Variants in HS3ST5 observed in about 807,000 individuals in gnomAD.
HS3ST5 encodes heparan sulfate-glucosamine 3-sulfotransferase 5.
In HS3ST5, 10 loss-of-function variants were observed where a neutral mutation model predicts 25.4. The observed-to-expected ratio is 0.39, with a 90% CI of 0.24 to 0.67. HS3ST5 has a LOEUF of 0.67. Among genes scored for constraint, HS3ST5 ranks in the 30% least tolerant of loss-of-function variants. The pLI, the probability that HS3ST5 is intolerant of heterozygous loss-of-function variation, is 0.44. For synonymous variants in HS3ST5, 170 were observed against 162.4 expected, an observed-to-expected ratio of 1.05 and a Z score of -0.36; for missense variants, 324 against 420.7, an observed-to-expected ratio of 0.77 and a Z score of 2.01.
At chr6:114,330,418 G>C (rs1023480229) in intron 1 of HS3ST5, among the ~76,000 whole-genome samples, 9 of 152,162 alleles carry the variant, frequency 5.9e-5, no homozygotes, top group African/African-American at 1.9e-4. Context: ...ATGATTCTGA[G>C]CTATTATCAT....
intron 3 of HS3ST5, among the ~76,000 whole-genome samples, chr6:114,152,427 A>G (rs1778501664): frequency 6.6e-6 from 1 of 152,270 alleles, no homozygotes; most frequent in East Asian, 1.9e-4. Flanking sequence ...TTTTCACTCC[A>G]GAAATTTAAG....
chr6:114,158,145 C>T (rs1475620519), intron 3 of HS3ST5, among the ~76,000 whole-genome samples: 3 of 152,214 alleles, frequency 2.0e-5, no homozygotes, highest in Non-Finnish European at 2.9e-5. Context: ...ACTTGCAAGC[C>T]TCGACAGCTT....
chr6:114,228,921 T>A (rs1349863120), intron 1 of HS3ST5, 143 bp from the exon 2 acceptor site: 1 of 152,240 alleles, frequency 6.6e-6, no homozygotes, highest in East Asian at 1.9e-4. Context: ...CATTTAAAAT[T>A]TCATGTCATT....
intron 3 of HS3ST5, among the ~76,000 whole-genome samples, chr6:114,109,336 G>A (rs1355372108): frequency 1.3e-5 from 2 of 151,944 alleles, no homozygotes; most frequent in African/African-American, 4.8e-5. Context: ...GCTGACCATT[G>A]AGGACTCTTC....
chr6:114,268,966 C>T (rs779554042), intron 1 of HS3ST5, among the ~76,000 whole-genome samples: 4 of 152,068 alleles, frequency 2.6e-5, no homozygotes, highest in South Asian at 2.1e-4. Flanking sequence ...TCTCAAGTTG[C>T]GAAAGTTATG....
intron 3 of HS3ST5, among the ~76,000 whole-genome samples, chr6:114,068,040 C>T (rs541223547): frequency 6.6e-6 from 1 of 152,036 alleles, no homozygotes; most frequent in South Asian, 2.1e-4. Flanking sequence ...TAATTAATAG[C>T]TTCGGGAGGT....
intron 2 of HS3ST5, among the ~76,000 whole-genome samples, chr6:114,173,162 C>T (rs758072945): frequency 6.6e-6 from 1 of 152,160 alleles, no homozygotes; most frequent in African/African-American, 2.4e-5. Context: ...TGTCTGCCCA[C>T]ATTTTACATT....
intron 1 of HS3ST5, among the ~76,000 whole-genome samples, chr6:114,304,024 C>G (rs1219483142): frequency 6.6e-6 from 1 of 152,004 alleles, no homozygotes; most frequent in East Asian, 1.9e-4. Flanking sequence ...CAGGACTTCC[C>G]CATTGCTTCC....
chr6:114,322,298 G>A (rs1274166752), intron 1 of HS3ST5, among the ~76,000 whole-genome samples: 7 of 152,008 alleles, frequency 4.6e-5, no homozygotes, highest in Admixed American at 1.3e-4. Flanking sequence ...TAAGTCTGTG[G>A]TAGCCAACTG....
In HS3ST5 at chr6:114,057,211, T is replaced by C. The variant is rs1437506279; in HGVS notation, c.*46A>G. The C allele has an allele frequency of 3.1e-6, 4 of 1,293,074 alleles. No homozygotes were observed. Among genetic ancestry groups the C allele is most frequent in the South Asian group, 1.3e-5 (1 of 77,356 alleles). The allele number at this position is 1,293,074 out of a possible 1,614,324, so 80.1% of individuals were successfully genotyped here. On this transcript the variant is annotated 3_prime_UTR_variant, in exon 5 of 5. Transcript: ENST00000312719. ...TGCATATTTTAATCTACAGGAGACA[T>C]TGTGTGTCTCCAGGCACAACACATA...
intron 1 of HS3ST5, among the ~76,000 whole-genome samples, chr6:114,276,208 A>T (rs1773847188): frequency 6.6e-6 from 1 of 151,704 alleles, no homozygotes. Context: ...AAGTTTAAAT[A>T]AATTAAGTGA....
chr6:114,202,158 C>T (rs997532004), intron 2 of HS3ST5, among the ~76,000 whole-genome samples: 1 of 152,120 alleles, frequency 6.6e-6, no homozygotes, highest in Non-Finnish European at 1.5e-5. Flanking sequence ...AAATGAGTCA[C>T]ACCTGTAATC....
At chr6:114,295,443 A>G (rs1166709209) in intron 1 of HS3ST5, among the ~76,000 whole-genome samples, 1 of 152,210 alleles carries the variant, frequency 6.6e-6, no homozygotes, top group East Asian at 1.9e-4. Flanking sequence ...GACTGTATTG[A>G]CCATGGTAAT....
intron 1 of HS3ST5, among the ~76,000 whole-genome samples, chr6:114,339,695 ATAGT>A (rs1460911748): frequency 5.9e-5 from 9 of 152,202 alleles, no homozygotes; most frequent in African/African-American, 2.2e-4. Flanking sequence ...CAGTGCACAG[ATAGT>A]TATATTACTC....
At chr6:114,175,349 C>T (rs1296464744) in intron 2 of HS3ST5, among the ~76,000 whole-genome samples, 1 of 152,156 alleles carries the variant, frequency 6.6e-6, no homozygotes, top group Non-Finnish European at 1.5e-5. Context: ...TCAATATCCT[C>T]TTGAAAGAGA....
chr6:114,269,460 G>A (rs1401706098), intron 1 of HS3ST5, among the ~76,000 whole-genome samples: 2 of 152,062 alleles, frequency 1.3e-5, no homozygotes, highest in African/African-American at 4.8e-5. Flanking sequence ...TAATTTTCTG[G>A]GAAGGGACAA....
intron 3 of HS3ST5, among the ~76,000 whole-genome samples, chr6:114,104,755 A>G (rs1775907417): frequency 6.6e-6 from 1 of 152,220 alleles, no homozygotes; most frequent in South Asian, 2.1e-4. Flanking sequence ...TTTTGGTTCA[A>G]GTTACCCATG....
chr6:114,238,450 G>GA, intron 1 of HS3ST5, among the ~76,000 whole-genome samples: 1 of 152,098 alleles, frequency 6.6e-6, no homozygotes, highest in South Asian at 2.1e-4. Context: ...AGAAGAATAG[G>GA]AAAAAAATAT....
intron 3 of HS3ST5, chr6:114,084,258 A>T: frequency 1.1e-6 from 1 of 912,374 alleles, no homozygotes; most frequent in Non-Finnish European, 1.8e-6. Flanking sequence ...GAGCACTCCA[A>T]TATTCAGTAG....
Sources: gnomAD v4.1 joint callset for allele counts (sites outside exome capture counted in the v4.1 genomes callset) on GRCh38, gnomAD v4.1.1 for gene constraint, MANE v1.5 for transcripts, NCBI Gene and HGNC (gene_info 2026-07-23, HGNC 2026-07-21) for gene names.